ITGB7: variants seen among roughly 807,000 people sequenced by gnomAD.
ITGB7 encodes the protein integrin subunit beta 7.
Under a neutral mutation model 83.4 loss-of-function variants are expected in ITGB7, and 55 were observed. The ratio of observed to expected loss-of-function variants is 0.66; its 90% confidence interval spans 0.53 to 0.83. The LOEUF (loss-of-function observed/expected upper bound fraction) is 0.83. Ranked by LOEUF, ITGB7 falls within the 40% of genes least tolerant of loss-of-function variation. The pLI is 0.00. For missense variants in ITGB7, 921 were observed against 1,046.7 expected (o/e 0.88, Z 1.66); for synonymous variants, 454 against 423.6 (o/e 1.07, Z -0.88).
intron 1 of ITGB7, among the ~76,000 whole-genome samples, chr12:53,202,028 G>A (rs772663589): frequency 2.0e-5 from 3 of 152,134 alleles, no homozygotes; most frequent in Non-Finnish European, 4.4e-5. Context: ...TTCCAACAAG[G>A]GTGCCAAACC....
chr12:53,203,203 C>T (rs1942356746), intron 1 of ITGB7, among the ~76,000 whole-genome samples: 1 of 152,054 alleles, frequency 6.6e-6, no homozygotes, highest in Non-Finnish European at 1.5e-5. Flanking sequence ...TAATATATAA[C>T]GAACTCTTAC....
Position 53,194,329 on chromosome 12 carries a change from CGGT to C in ITGB7, c.1174_1176del (p.Thr392del). ...GGGAGTGAAGAGTGTTCAAGGGTCACGGTGGAAGACAGGCTCTATGGGAAGAGA... is the reference window on the plus strand; with the variant it reads ...GGGAGTGAAGAGTGTTCAAGGGTCACGGAAGACAGGCTCTATGGGAAGAGA... On this transcript the variant is annotated inframe_deletion, in exon 10 of 16. Coordinates refer to ENST00000267082, the MANE Select transcript of ITGB7 (RefSeq NM_000889.3). 6.2e-7 allele frequency: 1 copy of C among 1,613,890 alleles called. No homozygotes were observed. Among genetic ancestry groups the C allele is most frequent in the South Asian group, 1.1e-5 (1 of 91,064 alleles).
At chr12:53,206,870 C>T (rs902765179) in intron 1 of ITGB7, 3 of 152,240 alleles carry the variant, frequency 2.0e-5, no homozygotes, top group Non-Finnish European at 4.4e-5. Flanking sequence ...TCAGTATAAT[C>T]GGTATACCTG....
rs1308123368 is a variant in ITGB7 at position 53,192,690 on chromosome 12, C to T, written c.1946+1G>A. The T allele has an allele frequency of 1.2e-6, 2 of 1,612,484 alleles. No individual in the cohort carries two copies. The highest frequency in any genetic ancestry group is 2.2e-5 in the East Asian group (1 of 44,840). The stretch of plus-strand genomic sequence containing the variant: ...CCAAGATGCAAGACCTGAGGCCTCA[C>T]CGGTGTCTCTCGCATGGTGTCTTGC... On this transcript the variant is annotated splice_donor_variant, in intron 13 of 15. Coordinates refer to ENST00000267082, the MANE Select transcript of ITGB7 (RefSeq NM_000889.3). LOFTEE classifies it high-confidence loss of function.
intron 5 of ITGB7, chr12:53,197,188 A>G: frequency 1.8e-6 from 1 of 556,876 alleles, no homozygotes; most frequent in South Asian, 2.0e-5. Flanking sequence ...GGAGACTTGC[A>G]TCAGGGCAGG....
At position 53,191,927 on chromosome 12, in the gene ITGB7, C is replaced by T. The variant is rs1442422785; in HGVS notation, c.2248G>A (p.Val750Met). The change falls in exon 15 of 16, where the codon GTG becomes ATG. Residue 750 changes from valine (V) to methionine (M), a missense_variant. Val to Met is a conservative substitution (Grantham distance 21). Transcript: ENST00000267082. ...TATTCCCGGCGGTCATAGATTTCCACCGAGAGCCGGTAAGCCAGGACCAGC... is the reference window on the plus strand; with the variant it reads ...TATTCCCGGCGGTCATAGATTTCCATCGAGAGCCGGTAAGCCAGGACCAGC... ...LGLVLAYRLS[V>M]EIYDRREYSR... is the part of the protein sequence containing the mutation. 1 of 1,611,220 alleles carries T rather than the reference C, an allele frequency of 6.2e-7. No homozygotes were observed. Among genetic ancestry groups the T allele is most frequent in the Non-Finnish European group, 8.5e-7 (1 of 1,180,016 alleles).
In ITGB7 at chr12:53,197,966, A is replaced by G. The variant is rs1308195090; in HGVS notation, c.202-15T>C. The G allele has an allele frequency of 2.0e-6, 3 of 1,528,928 alleles. No homozygotes were observed. The highest frequency in any genetic ancestry group is 2.6e-6 in the Non-Finnish European group (3 of 1,143,702). 94.7% of individuals were successfully genotyped at this position (1,528,928 alleles called of 1,614,324 possible). A position where few individuals can be genotyped will look rare whatever the true frequency, so the allele number is the denominator to read the frequency against. ...GCGGTGAAGTTCTGCTCAGCAAGAA[A>G]AGGCGCGTCGGGACCCGGTCCTGCA... On this transcript the variant is annotated splice_polypyrimidine_tract_variant and intron_variant, in intron 3 of 15. Coordinates refer to ENST00000267082, the MANE Select transcript of ITGB7 (RefSeq NM_000889.3).
Position 53,193,236 on chromosome 12 carries a change from G to A in ITGB7, c.1630C>T (p.Gln544Ter). Reference sequence around the variant, plus strand: ...CCACTGCAGCTGCAGCGTCCACATTGACAGTGACCCTTTCCACTGCACAGG... The same window carrying A: ...CCACTGCAGCTGCAGCGTCCACATTAACAGTGACCCTTTCCACTGCACAGG... ...GPLCSGKGHC[Q>*]CGRCSCSGQS... is the part of the protein sequence containing the mutation. Residue 544 changes from glutamine to a stop codon, truncating the protein, a stop_gained, in exon 12 of 16, where the codon CAA (glutamine) becomes TAA (stop). Coordinates refer to ENST00000267082, the MANE Select transcript of ITGB7 (RefSeq NM_000889.3). LOFTEE classifies it high-confidence loss of function. 1 of 1,614,170 alleles carries A rather than the reference G, an allele frequency of 6.2e-7. No individual in the cohort carries two copies. Among genetic ancestry groups the A allele is most frequent in the Non-Finnish European group, 8.5e-7 (1 of 1,180,018 alleles).
chr12:53,198,153 G>A (rs1032087870), intron 3 of ITGB7, among the ~76,000 whole-genome samples: 5 of 151,966 alleles, frequency 3.3e-5, no homozygotes, highest in African/African-American at 1.2e-4. Flanking sequence ...TTTTTGAGAC[G>A]GAGTCTCACT....
At chr12:53,200,192 C>CACAT in intron 3 of ITGB7, 51 bp downstream of exon 3, 1 of 1,442,950 alleles carries the variant, frequency 6.9e-7, no homozygotes. Flanking sequence ...CATACATATA[C>CACAT]ACATACACAT....
Position 53,201,092 on chromosome 12 carries a change from G to A in ITGB7, c.-24C>T, listed in dbSNP as rs1942313494. ...TTTACCGAGATCCCAAGCCGTAGTG[G>A]TAGAAGAGCCAAACAGGAAACAGAC... is the stretch of plus-strand genomic sequence containing the variant. On this transcript the variant is annotated 5_prime_UTR_variant, in exon 2 of 16. Coordinates refer to ENST00000267082, the MANE Select transcript of ITGB7 (RefSeq NM_000889.3). The A allele has an allele frequency of 6.6e-6, 1 of 152,190 alleles. No individual in the cohort carries two copies. Among genetic ancestry groups the A allele is most frequent in the Admixed American group, 6.6e-5 (1 of 15,266 alleles). 9.4% of individuals were successfully genotyped at this position (152,190 alleles called of 1,614,324 possible). A position where few individuals can be genotyped will look rare whatever the true frequency, so the allele number is the denominator to read the frequency against.
rs905322357 is a variant in ITGB7, at chr12:53,192,504, G to A, written c.1981C>T (p.Pro661Ser). ...GCTGTACTGCAGTTGGTGGCCAGTG[G>A]GCCAGTCCTGAAGGCCCCACACTCT... is the stretch of plus-strand genomic sequence containing the variant. ...CAECGAFRTG[P>S]LATNCSTACA... is the part of the protein sequence containing the mutation. The change falls in exon 14 of 16, where the codon CCA becomes TCA. Residue 661 changes from proline (P) to serine (S), a missense_variant. Pro to Ser is a moderately conservative substitution (Grantham distance 74, BLOSUM62 -1). Transcript: ENST00000267082. The A allele has an allele frequency of 6.2e-7, 1 of 1,614,148 alleles. No homozygotes were observed. Among genetic ancestry groups the A allele is most frequent in the Non-Finnish European group, 8.5e-7 (1 of 1,180,018 alleles).
At chr12:53,194,096 T>G (rs1383483243) in intron 10 of ITGB7, 102 bp downstream of exon 10, 4 of 1,522,884 alleles carry the variant, frequency 2.6e-6, no homozygotes, top group Non-Finnish European at 2.7e-6. Flanking sequence ...CCTCAGGCTC[T>G]CATGTCACTC....
Position 53,192,314 on chromosome 12 carries a change from A to G in ITGB7, c.2155+16T>C, listed in dbSNP as rs1941984241. The G allele has an allele frequency of 6.2e-7, 1 of 1,612,944 alleles. No homozygotes were observed. Among genetic ancestry groups the G allele is most frequent in the South Asian group, 1.1e-5 (1 of 91,066 alleles). ...CCATCAAACTTCCAGGGTTTGTGGC[A>G]TCCCTGCCCACTTACTTTCTTGGGG... On this transcript the variant is annotated intron_variant, in intron 14 of 15. Coordinates refer to ENST00000267082, the MANE Select transcript of ITGB7 (RefSeq NM_000889.3).
chr12:53,205,149 A>G (rs1942410984), intron 1 of ITGB7, among the ~76,000 whole-genome samples: 1 of 151,842 alleles, frequency 6.6e-6, no homozygotes, highest in Non-Finnish European at 1.5e-5. Context: ...GTTCCCTATG[A>G]CAAATAATGC....
intron 4 of ITGB7, 38 bp downstream of exon 4, chr12:53,197,712 C>T: frequency 6.3e-7 from 1 of 1,597,948 alleles, no homozygotes; most frequent in Non-Finnish European, 8.5e-7. Flanking sequence ...GGAACGCCAG[C>T]CTAGACCTCT....
chr12:53,192,692 G>A lies in ITGB7; in HGVS notation c.1945C>T (p.Arg649Trp), dbSNP rs763843824. 11 of 1,612,438 alleles carry A rather than the reference G, an allele frequency of 6.8e-6. No individual in the cohort carries two copies. Among genetic ancestry groups the A allele is most frequent in the African/African-American group, 2.7e-5 (2 of 75,044 alleles). Residue 649 changes from arginine (R) to tryptophan (W), a missense_variant and splice_region_variant, in exon 13 of 16, where the codon CGG becomes TGG. By Grantham distance (101) the Arg-to-Trp change is moderately radical. Transcript: ENST00000267082. ...PGCKTPCERH[R>W]DCAECGAFRT... ...AAGATGCAAGACCTGAGGCCTCACCGGTGTCTCTCGCATGGTGTCTTGCAG... is the reference window on the plus strand; with the variant it reads ...AAGATGCAAGACCTGAGGCCTCACCAGTGTCTCTCGCATGGTGTCTTGCAG...
chr12:53,195,576 G>A (rs1942129539), intron 8 of ITGB7, 50 bp downstream of exon 8: 1 of 1,559,056 alleles, frequency 6.4e-7, no homozygotes, highest in African/African-American at 1.4e-5. Flanking sequence ...TGGGGGAATT[G>A]AGAAAGGTTG....
intron 9 of ITGB7, 61 bp from the exon 10 acceptor site, chr12:53,194,405 T>C (rs1287198904): frequency 1.3e-6 from 2 of 1,547,358 alleles, no homozygotes; most frequent in Non-Finnish European, 1.8e-6. Flanking sequence ...AACCCCACCT[T>C]ATGTCCTCTC....
Sources: gnomAD v4.1 joint callset for allele counts (sites outside exome capture counted in the v4.1 genomes callset) on GRCh38, gnomAD v4.1.1 for gene constraint, MANE v1.5 for transcripts, NCBI Gene and HGNC (gene_info 2026-07-23, HGNC 2026-07-21) for gene names.